The following CRIM1 variants were observed in gnomAD, a reference collection of about 807,000 sequenced individuals.
The protein encoded by CRIM1 is cysteine-rich motor neuron 1 protein.
A neutral mutation model predicts 116.4 loss-of-function variants in CRIM1; 32 were observed. The ratio of observed to expected loss-of-function variants is 0.27; its 90% CI spans 0.21 to 0.37. The LOEUF (loss-of-function observed/expected upper bound fraction) is 0.37, where lower values mean the gene tolerates loss of function less well. CRIM1 is among the 10% of genes least tolerant of loss of function. The pLI is 1.00. For missense variants in CRIM1, 1,331 were observed against 1,354.8 expected (o/e 0.98, Z 0.28); for synonymous variants, 590 against 509.2 (o/e 1.16, Z -2.13).
chr2:36,397,969 C>A (rs757162083), intron 2 of CRIM1, among the ~76,000 whole-genome samples: 26 of 152,222 alleles, frequency 1.7e-4, no homozygotes, highest in Admixed American at 3.9e-4. Context: ...TTCTTCCTGT[C>A]ACATCATGAC....
At chr2:36,514,108 T>C (rs1255169837) in intron 11 of CRIM1, among the ~76,000 whole-genome samples, 1 of 152,236 alleles carries the variant, frequency 6.6e-6, no homozygotes, top group Non-Finnish European at 1.5e-5. Flanking sequence ...AGTCTGAATG[T>C]CCTCATTAAT....
intron 13 of CRIM1, among the ~76,000 whole-genome samples, chr2:36,524,801 GTCTT>G (rs748257421): frequency 5.9e-5 from 9 of 152,202 alleles, no homozygotes; most frequent in African/African-American, 9.6e-5. Context: ...GTATTCTGTA[GTCTT>G]TCTTTTTATT....
chr2:36,492,927 G>T (rs946090571), intron 7 of CRIM1, among the ~76,000 whole-genome samples: 6 of 152,082 alleles, frequency 3.9e-5, no homozygotes, highest in Non-Finnish European at 7.4e-5. Flanking sequence ...AAGCATAATT[G>T]TTCATTTTTG....
intron 1 of CRIM1, among the ~76,000 whole-genome samples, chr2:36,380,841 T>C (rs1670689847): frequency 6.6e-6 from 1 of 152,214 alleles, no homozygotes; most frequent in Non-Finnish European, 1.5e-5. Context: ...CGCCCAACTT[T>C]ACAGATTAAG....
At chr2:36,416,539 C>G (rs1430669499) in intron 2 of CRIM1, among the ~76,000 whole-genome samples, 1 of 152,200 alleles carries the variant, frequency 6.6e-6, no homozygotes, top group Non-Finnish European at 1.5e-5. Context: ...TACTACAACA[C>G]TGCGTTTGTC....
chr2:36,369,147 T>C (rs775440604), intron 1 of CRIM1: 3 of 152,260 alleles, frequency 2.0e-5, no homozygotes, highest in Non-Finnish European at 4.4e-5. Flanking sequence ...TTTAAACCTC[T>C]GCGGCAGTAA....
At chr2:36,359,420 A>G (rs934870478) in intron 1 of CRIM1, among the ~76,000 whole-genome samples, 5 of 152,078 alleles carry the variant, frequency 3.3e-5, no homozygotes, top group South Asian at 2.1e-4. Flanking sequence ...TTTGTAGGGG[A>G]AAAAAATTAC....
At chr2:36,497,046 T>TC (rs1558370281) in intron 7 of CRIM1, among the ~76,000 whole-genome samples, 3 of 152,214 alleles carry the variant, frequency 2.0e-5, no homozygotes, top group African/African-American at 7.2e-5. Flanking sequence ...TATGATATGA[T>TC]GATTATACAT....
intron 2 of CRIM1, among the ~76,000 whole-genome samples, chr2:36,411,609 A>G (rs765755983): frequency 6.6e-6 from 1 of 152,118 alleles, no homozygotes; most frequent in African/African-American, 2.4e-5. Context: ...TGATGATATC[A>G]TAGGTAATAT....
intron 2 of CRIM1, among the ~76,000 whole-genome samples, chr2:36,418,992 C>T (rs1485584804): frequency 9.2e-5 from 14 of 152,180 alleles, no homozygotes; most frequent in Admixed American, 9.2e-4. Context: ...CTGCCTTCCC[C>T]ACTTCTCCTT....
At chr2:36,508,316 G>T (rs1681573985) in intron 8 of CRIM1, among the ~76,000 whole-genome samples, 1 of 152,134 alleles carries the variant, frequency 6.6e-6, no homozygotes, top group South Asian at 2.1e-4. Flanking sequence ...TGCAAATATT[G>T]CCAACTGAGA....
At chr2:36,537,217 C>A in intron 13 of CRIM1, 135 bp from the exon 14 acceptor site, 2 of 824,366 alleles carry the variant, frequency 2.4e-6, no homozygotes, top group Non-Finnish European at 3.8e-6. Context: ...ACTAGGGAAA[C>A]AAAAGTTTCA....
At chr2:36,397,491 T>C (rs537693889) in intron 2 of CRIM1, among the ~76,000 whole-genome samples, 2 of 152,204 alleles carry the variant, frequency 1.3e-5, no homozygotes, top group South Asian at 4.1e-4. Flanking sequence ...TGGGTTTGGG[T>C]CTCAGCTCTG....
intron 5 of CRIM1, among the ~76,000 whole-genome samples, chr2:36,473,920 A>C (rs768544687): frequency 5.9e-5 from 9 of 151,958 alleles, no homozygotes; most frequent in African/African-American, 2.2e-4. Flanking sequence ...CAAATTAAGG[A>C]ACTCACAAAC....
chr2:36,426,246 G>T (rs1674437878), intron 2 of CRIM1, among the ~76,000 whole-genome samples: 1 of 152,152 alleles, frequency 6.6e-6, no homozygotes, highest in South Asian at 2.1e-4. Flanking sequence ...GTACTGGCCA[G>T]TGTAAAATTT....
chr2:36,471,072 A>G (rs1375160000), intron 5 of CRIM1, among the ~76,000 whole-genome samples: 2 of 152,186 alleles, frequency 1.3e-5, no homozygotes, highest in Non-Finnish European at 2.9e-5. Context: ...GAACCTGCAG[A>G]ATGTGACTGA....
chr2:36,518,162 A>G (rs1234788413), intron 12 of CRIM1, among the ~76,000 whole-genome samples: 1 of 152,248 alleles, frequency 6.6e-6, no homozygotes. Context: ...GAAACTTGTT[A>G]GAAGGAAATT....
Position 36,550,666 on chromosome 2 carries a change from A to AGAT in CRIM1, c.*1966_*1968dup, listed in dbSNP as rs1280466607. 6.6e-6 allele frequency: 1 copy of AGAT among 152,578 alleles called. No homozygotes were observed. Among genetic ancestry groups the AGAT allele is most frequent in the African/African-American group, 2.4e-5 (1 of 41,462 alleles). 9.5% of individuals were successfully genotyped at this position (152,578 alleles called of 1,614,324 possible). A position where few individuals can be genotyped will look rare whatever the true frequency, so the allele number is the denominator to read the frequency against. On this transcript the variant is annotated 3_prime_UTR_variant, in exon 17 of 17. Transcript: ENST00000280527. ...TAGCTGTTTGCATCAAAGGAAAAAA[A>AGAT]GATTTATTATCAAGGGGCAATATTT...
chr2:36,510,877 T>A (rs895076644), intron 9 of CRIM1, among the ~76,000 whole-genome samples: 16 of 151,984 alleles, frequency 1.1e-4, no homozygotes, highest in Non-Finnish European at 7.4e-5. Flanking sequence ...TTCATTTCAA[T>A]CTGTCTTTCC....
Sources: allele counts gnomAD v4.1 joint callset (sites outside exome capture counted in the v4.1 genomes callset), GRCh38; gene constraint gnomAD v4.1.1; transcripts MANE v1.5; gene names NCBI Gene and HGNC (gene_info 2026-07-23, HGNC 2026-07-21).